The following TSPAN1 variants were observed in gnomAD, a reference collection of about 807,000 sequenced individuals.
TSPAN1 encodes tetraspanin 1, also known as tetraspanin-1.
In TSPAN1, 23 loss-of-function variants were observed where a neutral mutation model predicts 26.9. The ratio of observed to expected loss-of-function variants is 0.85; its 90% CI spans 0.62 to 1.21. The LOEUF (loss-of-function observed/expected upper bound fraction) is 1.21, where lower values mean the gene tolerates loss of function less well. TSPAN1 is among the 50% of genes most tolerant of loss of function. The pLI is 0.00. For synonymous variants in TSPAN1, 115 were observed against 114.8 expected (o/e 1.00, Z -0.01); for missense variants, 283 against 298.4 (o/e 0.95, Z 0.38).
rs779812998 is a variant in TSPAN1 at position 46,185,282 on chromosome 1, G to A, written c.652G>A (p.Val218Met). 3 of 1,614,186 alleles carry A rather than the reference G, an allele frequency of 1.9e-6. No individual in the cohort carries two copies. Among genetic ancestry groups the A allele is most frequent in the South Asian group, 2.2e-5 (2 of 91,080 alleles). Residue 218 changes from valine to methionine, a missense_variant, in exon 8 of 9, where the codon GTG becomes ATG. Physicochemically the swap from Val to Met is conservative, Grantham distance 21. Coordinates refer to ENST00000372003, the MANE Select transcript of TSPAN1 (RefSeq NM_005727.4). ...AACTAATGCAGTCACCGTGGGTGGTGTGGCAGCTGGAATTGGGGGCCTCGA... is the reference window on the plus strand; with the variant it reads ...AACTAATGCAGTCACCGTGGGTGGTATGGCAGCTGGAATTGGGGGCCTCGA... ...IRTNAVTVGG[V>M]AAGIGGLELA...
chr1:46,185,200 T>C (rs368041262), intron 7 of TSPAN1, 25 bp from the exon 8 acceptor site: 5 of 1,614,052 alleles, frequency 3.1e-6, no homozygotes, highest in African/African-American at 1.3e-5. Flanking sequence ...CTGCCAACTA[T>C]AAATGCTCTT....
intron 1 of TSPAN1, chr1:46,176,256 G>A (rs917385564): frequency 1.4e-5 from 21 of 1,535,640 alleles, no homozygotes; most frequent in South Asian, 3.6e-5. Context: ...ACACTATGGT[G>A]GTGTCAGTGT....
intron 3 of TSPAN1, among the ~76,000 whole-genome samples, chr1:46,182,382 A>G (rs1657334765): frequency 7.0e-6 from 1 of 142,440 alleles, no homozygotes; most frequent in Non-Finnish European, 1.5e-5. Flanking sequence ...AGAGTAGTAC[A>G]CTAACCACAT....
At chr1:46,175,777 C>T (rs1190867640) in intron 1 of TSPAN1, 5 of 403,792 alleles carry the variant, frequency 1.2e-5, no homozygotes, top group Non-Finnish European at 2.2e-5. Context: ...TGCCTGCCAT[C>T]AGGAGTCCCC....
chr1:46,187,894 G>C (rs1449034075), downstream of TSPAN1, among the ~76,000 whole-genome samples: 1 of 152,206 alleles, frequency 6.6e-6, no homozygotes, highest in African/African-American at 2.4e-5. Context: ...GCAGGCAGGA[G>C]GGCTGGAGTT....
chr1:46,190,138 G>A (rs958993154), downstream of TSPAN1: 26 of 973,684 alleles, frequency 2.7e-5, no homozygotes, highest in African/African-American at 2.5e-4. Context: ...TTGCTCTGTC[G>A]CCCAGGCTGG....
the TSPAN1 span, chr1:46,192,321 G>A: frequency 6.2e-7 from 1 of 1,614,160 alleles, no homozygotes; most frequent in Non-Finnish European, 8.5e-7. Context: ...TTCCGGTGTA[G>A]GCCACTTGGG....
chr1:46,193,934 G>A, the TSPAN1 span: 3 of 1,614,060 alleles, frequency 1.9e-6, no homozygotes, highest in African/African-American at 1.3e-5. Flanking sequence ...AGCTGTGGGA[G>A]AAATAGCGTT....
the TSPAN1 span, chr1:46,195,771 G>T: frequency 2.1e-4 from 324 of 1,533,774 alleles, no homozygotes; most frequent in African/African-American, 3.9e-3. Context: ...CAGGGTTGGA[G>T]CTAGGGAGTA....
chr1:46,190,751 C>A (rs1260733542), downstream of TSPAN1: 1 of 1,613,748 alleles, frequency 6.2e-7, no homozygotes, highest in Non-Finnish European at 8.5e-7. Flanking sequence ...ACACCTGGAA[C>A]CGTGTTGAAC....
the TSPAN1 span, chr1:46,193,074 T>A: frequency 6.2e-7 from 1 of 1,602,532 alleles, no homozygotes; most frequent in East Asian, 2.2e-5. Context: ...ATGTGAAGGA[T>A]GAGGCCCAGT....
the TSPAN1 span, chr1:46,192,871 C>T: frequency 1.2e-6 from 2 of 1,613,882 alleles, no homozygotes; most frequent in African/African-American, 2.7e-5. Context: ...ACTGAGGGAC[C>T]TCAACTGAAA....
At chr1:46,188,215 C>T (rs146743202), downstream of TSPAN1, among the ~76,000 whole-genome samples, 186 of 152,262 alleles carry the variant, frequency 1.2e-3, no homozygotes, top group African/African-American at 4.3e-3. Context: ...CATAGACACC[C>T]TTGCTCCTAC....
At chr1:46,193,379 C>T in the TSPAN1 span, 1 of 1,612,636 alleles carries the variant, frequency 6.2e-7, no homozygotes, top group Non-Finnish European at 8.5e-7. Flanking sequence ...GCCACCACAT[C>T]CATGGGTTCC....
intron 3 of TSPAN1, 150 bp from the exon 4 acceptor site, chr1:46,184,041 G>A: frequency 1.3e-6 from 1 of 777,186 alleles, no homozygotes; most frequent in Non-Finnish European, 2.1e-6. Flanking sequence ...TCTGGCTCTA[G>A]AGGATGTTTC....
At chr1:46,195,846 C>T in the TSPAN1 span, 2 of 1,610,894 alleles carry the variant, frequency 1.2e-6, no homozygotes, top group East Asian at 2.2e-5. Flanking sequence ...CCGGGCGCTA[C>T]CATGTTGAGG....
At chr1:46,176,630 A>G in intron 1 of TSPAN1, 1 of 962,828 alleles carries the variant, frequency 1.0e-6, no homozygotes, top group African/African-American at 1.6e-5. Context: ...AATCTTCTTT[A>G]TTGGGTCTGG....
downstream of TSPAN1, chr1:46,188,801 G>A: frequency 6.2e-7 from 1 of 1,612,930 alleles, no homozygotes; most frequent in South Asian, 1.1e-5. Context: ...GTGAGTCTGT[G>A]TCAGCATGTG....
intron 4 of TSPAN1, 28 bp downstream of exon 4, chr1:46,184,425 A>G (rs1197220777): frequency 6.2e-7 from 1 of 1,613,616 alleles, no homozygotes; most frequent in East Asian, 2.2e-5. Flanking sequence ...CCACAGGCTG[A>G]TGACCAAGAG....
Sources: gnomAD v4.1 joint callset for allele counts (sites outside exome capture counted in the v4.1 genomes callset) on GRCh38, gnomAD v4.1.1 for gene constraint, MANE v1.5 for transcripts, NCBI Gene and HGNC (gene_info 2026-07-23, HGNC 2026-07-21) for gene names.